FOXM1: variants seen among roughly 807,000 people sequenced by gnomAD.
FOXM1 encodes the protein forkhead box M1, also known as forkhead box protein M1.
A neutral mutation model predicts 63.6 loss-of-function variants in FOXM1; 25 were observed. The ratio of observed to expected loss-of-function variants is 0.39; its 90% confidence interval spans 0.29 to 0.55. The LOEUF is 0.55. Among genes scored for constraint, FOXM1 ranks in the 20% least tolerant of loss-of-function variants. FOXM1 has a pLI of 0.60. For missense variants in FOXM1, 879 were observed against 958.7 expected (o/e 0.92, Z 1.10); for synonymous variants, 387 against 376.9 (o/e 1.03, Z -0.31).
rs1192802207 is a variant in FOXM1, at chr12:2,864,747, C to G, written c.1026G>C (p.Gln342His). 1.2e-6 allele frequency: 2 copies of G among 1,614,114 alleles called. No individual in the cohort carries two copies. Among genetic ancestry groups the G allele is most frequent in the South Asian group, 1.1e-5 (1 of 91,078 alleles). The stretch of plus-strand genomic sequence containing the variant: ...GGCGGAGCTCTGGATTCGGTCGTTT[C>G]TGCTGCTGCTTGTGGCAGATGGGGA... ...PQLPEHLESQ[Q>H]KRPNPELRRN... Residue 342 changes from glutamine to histidine, a missense_variant, in exon 7 of 9, where the codon CAG becomes CAC. Around this residue, in one of 4 missense-constraint regions of FOXM1, gnomAD observed 76 missense variants for 94.5 expected, o/e 0.80. Coordinates refer to ENST00000359843, the MANE Select transcript of FOXM1 (RefSeq NM_021953.4). The surrounding 1 kb of genome is among the most constrained non-coding windows in gnomAD (Gnocchi z 5.1).
intron 4 of FOXM1, 47 bp downstream of exon 4, chr12:2,868,505 ACTGGAGAGACT>A: frequency 7.5e-7 from 1 of 1,334,090 alleles, no homozygotes; most frequent in Non-Finnish European, 1.1e-6. Flanking sequence ...GCAGTACAGC[ACTGGAGAGACT>A]GTCAGGCTGG....
intron 8 of FOXM1, chr12:2,861,451 A>G: frequency 1.8e-6 from 1 of 566,032 alleles, no homozygotes. Flanking sequence ...TAAATAAAAC[A>G]TTTTAAAAAA....
intron 5 of FOXM1, 32 bp from the exon 6 acceptor site, chr12:2,865,431 T>A (rs375689073): frequency 2.5e-6 from 4 of 1,591,584 alleles, no homozygotes; most frequent in African/African-American, 1.4e-5. Context: ...GGGAGAGAAA[T>A]GAGATGAAGT....
At chr12:2,868,224 C>T (rs952129169) in intron 4 of FOXM1, 2 of 179,136 alleles carry the variant, frequency 1.1e-5, no homozygotes, top group Admixed American at 6.2e-5. Flanking sequence ...TCACAGACAG[C>T]ATTTTTTTTT....
rs769031982 is a variant in FOXM1 at position 2,874,441 on chromosome 12, C to T, written c.38G>A (p.Arg13Lys). ...TTGAACAGGAAGGGGCAGCCTCCGTCTTTTGAGAATCAGTGGCCGACGGGG... is the reference window on the plus strand; with the variant it reads ...TTGAACAGGAAGGGGCAGCCTCCGTTTTTTGAGAATCAGTGGCCGACGGGG... ...TSPRRPLILK[R>K]RRLPLPVQNA... The change falls in exon 2 of 9, where the codon AGA (arginine) becomes AAA (lysine). Residue 13 changes from arginine (R) to lysine (K), a missense_variant. By Grantham distance (26) the Arg-to-Lys change is conservative. Transcript: ENST00000359843. The surrounding 1 kb of genome is among the most constrained non-coding windows in gnomAD (Gnocchi z 4.3). The T allele has an allele frequency of 1.2e-5, 19 of 1,612,612 alleles. No individual in the cohort carries two copies. Among genetic ancestry groups the T allele is most frequent in the Non-Finnish European group, 1.4e-5 (17 of 1,179,372 alleles).
At chr12:2,869,882 C>T (rs927466350) in intron 3 of FOXM1, among the ~76,000 whole-genome samples, 8 of 151,086 alleles carry the variant, frequency 5.3e-5, no homozygotes, top group Non-Finnish European at 1.2e-4. Flanking sequence ...CCGCTATGCC[C>T]GGTCTCATTC....
rs1159378995 is a variant in FOXM1, at chr12:2,873,962, T to C, written c.502+15A>G. 6.3e-7 allele frequency: 1 copy of C among 1,599,854 alleles called. No individual in the cohort carries two copies. The highest frequency in any genetic ancestry group is 1.1e-5 in the South Asian group (1 of 89,528). The stretch of plus-strand genomic sequence containing the variant: ...GGCTGGGCTCCCTCACCCCTTTCCC[T>C]GGAAGACCACATACCACAGGTCTCC... On this transcript the variant is annotated intron_variant, in intron 2 of 8. Coordinates refer to ENST00000359843, the MANE Select transcript of FOXM1 (RefSeq NM_021953.4).
Position 2,858,581 on chromosome 12 carries a change from G to T in FOXM1, c.*57C>A. The T allele has an allele frequency of 6.7e-7, 1 of 1,493,654 alleles. No homozygotes were observed. The allele number at this position is 1,493,654 out of a possible 1,614,324, so 92.5% of individuals were successfully genotyped here. ...CTCACTCAGAGGCTTGGGGTGCACT[G>T]AGCCTTGGAGTGCCCGGGATGGTGG... On this transcript the variant is annotated 3_prime_UTR_variant, in exon 9 of 9. Coordinates refer to ENST00000359843, the MANE Select transcript of FOXM1 (RefSeq NM_021953.4).
rs781771036 is a variant in FOXM1, at chr12:2,868,594, T to A, written c.815A>T (p.Tyr272Phe). The A allele has an allele frequency of 6.2e-7, 1 of 1,613,282 alleles. No individual in the cohort carries two copies. The highest frequency in any genetic ancestry group is 2.2e-5 in the East Asian group (1 of 44,860). The change falls in exon 4 of 9, where the codon TAC becomes TTC. Residue 272 changes from tyrosine (Y) to phenylalanine (F), a missense_variant. Physicochemically the swap from Tyr to Phe is conservative, Grantham distance 22 (BLOSUM62 3). Coordinates refer to ENST00000359843, the MANE Select transcript of FOXM1 (RefSeq NM_021953.4). ...IYTWIEDHFP[Y>F]FKHIAKPGWK... is the part of the protein sequence containing the mutation. ...GCCTGGCTTGGCAATGTGCTTAAAG[T>A]AGGGAAAGTGGTCCTCAATCCACGT... is the stretch of plus-strand genomic sequence containing the variant.
At position 2,858,822 on chromosome 12, in the gene FOXM1, C is replaced by T. The variant is rs548147648; in HGVS notation, c.2108G>A (p.Gly703Asp). Reference protein sequence around the residue: ...SPSDIDVPKPGSPEPQVSGLA... With the variant: ...SPSDIDVPKPDSPEPQVSGLA... ...GCCAGAAACCTGTGGCTCCGGGGAG[C>T]CTGGCTTGGGGACGTCTATATCTGA... The change falls in exon 9 of 9, where the codon GGC (glycine) becomes GAC (aspartate). Residue 703 changes from glycine (G) to aspartate (D), a missense_variant. Transcript: ENST00000359843. 1 of 1,614,158 alleles carries T rather than the reference C, an allele frequency of 6.2e-7. No homozygotes were observed. The highest frequency in any genetic ancestry group is 8.5e-7 in the Non-Finnish European group (1 of 1,180,030).
At position 2,874,106 on chromosome 12, in the gene FOXM1, T is replaced by C; in HGVS notation, c.373A>G (p.Thr125Ala). The C allele has an allele frequency of 6.2e-7, 1 of 1,614,092 alleles. No individual in the cohort carries two copies. Among genetic ancestry groups the C allele is most frequent in the Non-Finnish European group, 8.5e-7 (1 of 1,180,020 alleles). ...CTTTTGGCATCATAGCTGGTTTGGG[T>C]TTGAGGCCGGAGTCCTGGAGGCTGA... ...PTQPPGLRPQ[T>A]QTSYDAKRTE... is the part of the protein sequence containing the mutation. The change falls in exon 2 of 9, where the codon ACC becomes GCC. Residue 125 changes from threonine (T) to alanine (A), a missense_variant. Physicochemically the swap from Thr to Ala is moderately conservative, Grantham distance 58. Transcript: ENST00000359843. The surrounding 1 kb of genome is among the most constrained non-coding windows in gnomAD (Gnocchi z 4.3).
Position 2,859,160 on chromosome 12 carries a change from G to A in FOXM1, c.1770C>T (p.Tyr590=). 6.2e-7 allele frequency: 1 copy of A among 1,607,662 alleles called. No homozygotes were observed. The highest frequency in any genetic ancestry group is 8.5e-7 in the Non-Finnish European group (1 of 1,176,684). The change falls in exon 9 of 9, where the codon TAC becomes TAT. Residue 590 remains tyrosine (Y), a synonymous_variant. Coordinates refer to ENST00000359843, the MANE Select transcript of FOXM1 (RefSeq NM_021953.4). ...DSSDPASQLS[Y]SQEVGGPFKT... The stretch of plus-strand genomic sequence containing the variant: ...TAAAAGGTCCTCCCACTTCCTGGGA[G>A]TAGCTGAGCTGGGAGGCAGGGTCAG...
At chr12:2,861,152 A>G in intron 8 of FOXM1, 1 of 501,280 alleles carries the variant, frequency 2.0e-6, no homozygotes, top group East Asian at 3.9e-5. Flanking sequence ...TGGGTGACAG[A>G]GCAAGACTCC....
In FOXM1 at chr12:2,872,278, A is replaced by G. The variant is rs200101511; in HGVS notation, c.503-31T>C. ...GGGAAAATAATCCAACACCCCACTT[A>G]GCTGCCTCATCAGATGCCCAGGTGT... On this transcript the variant is annotated intron_variant, in intron 2 of 8. Coordinates refer to ENST00000359843, the MANE Select transcript of FOXM1 (RefSeq NM_021953.4). The surrounding 1 kb of genome is among the most constrained non-coding windows in gnomAD (Gnocchi z 4.0). 6.2e-7 allele frequency: 1 copy of G among 1,612,144 alleles called. No homozygotes were observed. The highest frequency in any genetic ancestry group is 8.5e-7 in the Non-Finnish European group (1 of 1,178,750).
rs1378291152 is a variant in FOXM1, at chr12:2,872,014, A to G, written c.654+82T>C. 2.1e-6 allele frequency: 3 copies of G among 1,457,444 alleles called. No homozygotes were observed. The highest frequency in any genetic ancestry group is 1.1e-5 in the South Asian group (1 of 87,698). The allele number at this position is 1,457,444 out of a possible 1,614,324, so 90.3% of individuals were successfully genotyped here. A position where few individuals can be genotyped will look rare whatever the true frequency, so the allele number is the denominator to read the frequency against. On this transcript the variant is annotated intron_variant, in intron 3 of 8. Transcript: ENST00000359843. The surrounding 1 kb of genome is among the most constrained non-coding windows in gnomAD (Gnocchi z 4.0). ...TACCAGAACTTGGAAATTCTGGTCC[A>G]TCAGGCCACTTGATCCATTTCCCTA...
intron 2 of FOXM1, among the ~76,000 whole-genome samples, chr12:2,873,242 T>A: frequency 6.6e-6 from 1 of 151,314 alleles, no homozygotes. Context: ...TACTAAAAAA[T>A]ACCAAAATTA....
In FOXM1 at chr12:2,872,565, C is replaced by T. The variant is rs767062757; in HGVS notation, c.503-318G>A. Among the ~76,000 whole-genome samples, 15 of 152,046 alleles carry T rather than the reference C, an allele frequency of 9.9e-5. No individual in the cohort carries two copies. The highest frequency in any genetic ancestry group is 4.1e-4 in the South Asian group (2 of 4,822). ...CGAAGGCTGCAGTGAGCCAACATTG[C>T]GCCACTACACTCCAGCCTGAGTGAG... On this transcript the variant is annotated intron_variant, in intron 2 of 8. Coordinates refer to ENST00000359843, the MANE Select transcript of FOXM1 (RefSeq NM_021953.4). This position sits in a 1 kb window ranked among gnomAD's most constrained non-coding sequence, Gnocchi z 4.0.
chr12:2,866,450 G>A lies in FOXM1; in HGVS notation c.918C>T (p.Ser306=), dbSNP rs1293909129. Residue 306 remains serine, a synonymous_variant, in exon 5 of 9, where the codon TCC becomes TCT. Coordinates refer to ENST00000359843, the MANE Select transcript of FOXM1 (RefSeq NM_021953.4). ...VRETSANGKV[S]FWTIHPSANR... ...TGGCACTGGGGTGAATGGTCCAGAA[G>A]GAGACCTTGCCATTGGCAGACGTCT... 5.7e-6 allele frequency: 9 copies of A among 1,571,858 alleles called. No homozygotes were observed. Among genetic ancestry groups the A allele is most frequent in the African/African-American group, 2.8e-5 (2 of 72,420 alleles).
In FOXM1 at chr12:2,864,742, C is replaced by A; in HGVS notation, c.1031G>T (p.Arg344Leu). ...GTTCCGGCGGAGCTCTGGATTCGGT[C>A]GTTTCTGCTGCTGCTTGTGGCAGAT... ...LPEHLESQQK[R>L]PNPELRRNMT... The change falls in exon 7 of 9, where the codon CGA becomes CTA. Residue 344 changes from arginine (R) to leucine (L), a missense_variant. This residue lies in a region of FOXM1 where 76 missense variants were observed against 94.5 expected (regional missense o/e 0.80). Transcript: ENST00000359843. The surrounding 1 kb of genome is among the most constrained non-coding windows in gnomAD (Gnocchi z 5.1). 3 of 1,614,064 alleles carry A rather than the reference C, an allele frequency of 1.9e-6. No individual in the cohort carries two copies. Among genetic ancestry groups the A allele is most frequent in the South Asian group, 2.2e-5 (2 of 91,006 alleles).
Sources: allele counts gnomAD v4.1 joint callset (sites outside exome capture counted in the v4.1 genomes callset), GRCh38; gene constraint gnomAD v4.1.1; regional missense constraint gnomAD v4.1.1; non-coding constraint Gnocchi (gnomAD v3.1); transcripts MANE v1.5; gene names NCBI Gene and HGNC (gene_info 2026-07-23, HGNC 2026-07-21).